The following DGKD variants were observed in gnomAD, a reference collection of about 807,000 sequenced individuals.
The protein encoded by DGKD is DAG kinase delta.
A neutral mutation model predicts 154.4 loss-of-function variants in DGKD; 68 were observed. That is an observed-to-expected ratio of 0.44 (90% CI 0.36 to 0.54). DGKD has a LOEUF of 0.54. Among genes scored for constraint, DGKD ranks in the 20% least tolerant of loss-of-function variants. DGKD has a pLI of 0.00. For synonymous variants in DGKD, 693 were observed against 638.0 expected (o/e 1.09, Z -1.30); for missense variants, 1,343 against 1,593.6 (o/e 0.84, Z 2.68).
At chr2:233,356,243 A>G (rs944223700) in intron 1 of DGKD, among the ~76,000 whole-genome samples, 1 of 152,224 alleles carries the variant, frequency 6.6e-6, no homozygotes, top group Admixed American at 6.5e-5. Context: ...AATGATCAGA[A>G]GTTGGGCCAG....
chr2:233,437,112 G>C (rs146429921), intron 7 of DGKD, among the ~76,000 whole-genome samples: 1 of 152,330 alleles, frequency 6.6e-6, no homozygotes, highest in African/African-American at 2.4e-5. Flanking sequence ...CCAGAAGGTT[G>C]GGTACAGGAC....
rs2063900453 is a variant in DGKD, at chr2:233,468,573, C to T, written c.3555+20C>T. On this transcript the variant is annotated intron_variant, in intron 29 of 29. Coordinates refer to ENST00000264057, the MANE Select transcript of DGKD (RefSeq NM_152879.3). Reference sequence around the variant, plus strand: ...CTCAAGGTACTTCCATAGGCGTCTCCCTGGAACCTGCACTTGGGCTTGCAC... The same window carrying T: ...CTCAAGGTACTTCCATAGGCGTCTCTCTGGAACCTGCACTTGGGCTTGCAC... 1 of 1,612,850 alleles carries T rather than the reference C, an allele frequency of 6.2e-7. No individual in the cohort carries two copies. Among genetic ancestry groups the T allele is most frequent in the African/African-American group, 1.3e-5 (1 of 74,876 alleles).
intron 29 of DGKD, among the ~76,000 whole-genome samples, 183 bp from the exon 30 acceptor site, chr2:233,469,188 G>A (rs2063922892): frequency 6.6e-6 from 1 of 152,250 alleles, no homozygotes; most frequent in African/African-American, 2.4e-5. Flanking sequence ...AGGAACAATG[G>A]GCCAGGCATC....
intron 1 of DGKD, among the ~76,000 whole-genome samples, chr2:233,369,585 G>T (rs1313876475): frequency 6.6e-6 from 1 of 152,132 alleles, no homozygotes; most frequent in Admixed American, 6.5e-5. Context: ...TTTTCCATCA[G>T]CCTCTCCCCT....
chr2:233,436,547 C>G (rs1422003625), intron 7 of DGKD, 106 bp downstream of exon 7: 4 of 1,440,512 alleles, frequency 2.8e-6, no homozygotes, highest in Non-Finnish European at 3.7e-6. Flanking sequence ...GTAAATTAAT[C>G]CCAGAGGCCC....
chr2:233,378,867 C>T (rs1702732844), intron 1 of DGKD, among the ~76,000 whole-genome samples: 1 of 152,206 alleles, frequency 6.6e-6, no homozygotes, highest in African/African-American at 2.4e-5. Flanking sequence ...GAGACCCCGC[C>T]TCTACAAAGC....
intron 1 of DGKD, chr2:233,385,998 T>C (rs776611064): frequency 1.1e-4 from 49 of 446,458 alleles, no homozygotes; most frequent in South Asian, 8.0e-4. Context: ...CGTGTGCGTG[T>C]GTGTGCGTGT....
chr2:233,406,221 C>T (rs1368898212), intron 3 of DGKD, among the ~76,000 whole-genome samples: 1 of 152,204 alleles, frequency 6.6e-6, no homozygotes, highest in Non-Finnish European at 1.5e-5. Context: ...AGGGCCCACT[C>T]AGATAATCCA....
At chr2:233,460,533 G>A (rs1013208562) in intron 24 of DGKD, among the ~76,000 whole-genome samples, 188 bp downstream of exon 24, 2 of 152,152 alleles carry the variant, frequency 1.3e-5, no homozygotes, top group Admixed American at 6.5e-5. Context: ...TTCAGAACTC[G>A]CCTGGAGTTT....
At chr2:233,418,530 TA>T (rs936458409) in intron 3 of DGKD, among the ~76,000 whole-genome samples, 1 of 152,228 alleles carries the variant, frequency 6.6e-6, no homozygotes, top group African/African-American at 2.4e-5. Flanking sequence ...TATGGGTTTC[TA>T]AAAAAATAAA....
chr2:233,362,485 T>C (rs1410567460), intron 1 of DGKD, among the ~76,000 whole-genome samples: 1 of 152,140 alleles, frequency 6.6e-6, no homozygotes, highest in Non-Finnish European at 1.5e-5. Flanking sequence ...ACCCTGTGTC[T>C]ACTAAAAGTA....
chr2:233,375,427 C>G (rs1204495965), intron 1 of DGKD, among the ~76,000 whole-genome samples: 1 of 152,134 alleles, frequency 6.6e-6, no homozygotes, highest in Non-Finnish European at 1.5e-5. Flanking sequence ...GCAAACAAGT[C>G]TGCCATGAGT....
intron 3 of DGKD, among the ~76,000 whole-genome samples, chr2:233,428,808 A>G (rs1394909222): frequency 6.6e-6 from 1 of 152,192 alleles, no homozygotes; most frequent in African/African-American, 2.4e-5. Flanking sequence ...GTGGCCAGGT[A>G]GGATTCAGAT....
At chr2:233,429,084 C>T (rs1460732730) in intron 3 of DGKD, 2 of 981,700 alleles carry the variant, frequency 2.0e-6, no homozygotes, top group Admixed American at 1.2e-4. Context: ...ACCCACAAAG[C>T]AATTCTAGTA....
chr2:233,369,232 AT>A (rs1702190852), intron 1 of DGKD, among the ~76,000 whole-genome samples: 1 of 152,132 alleles, frequency 6.6e-6, no homozygotes, highest in Non-Finnish European at 1.5e-5. Flanking sequence ...TGTCCACTGT[AT>A]CCATCAGCAT....
intron 1 of DGKD, among the ~76,000 whole-genome samples, chr2:233,370,444 T>C (rs1393047465): frequency 6.6e-6 from 1 of 151,978 alleles, no homozygotes; most frequent in Non-Finnish European, 1.5e-5. Flanking sequence ...TCCCAATTCC[T>C]GACCTCAAGT....
chr2:233,366,647 A>G (rs1160435644), intron 1 of DGKD, among the ~76,000 whole-genome samples: 2 of 152,128 alleles, frequency 1.3e-5, no homozygotes, highest in East Asian at 3.8e-4. Context: ...GTGTGCCATG[A>G]AGCCATGTAG....
rs764125308 is a variant in DGKD at position 233,445,616 on chromosome 2, T to G, written c.1195-7T>G. The G allele has an allele frequency of 6.2e-6, 10 of 1,602,282 alleles. No homozygotes were observed. The highest frequency in any genetic ancestry group is 7.7e-6 in the Non-Finnish European group (9 of 1,174,152). On this transcript the variant is annotated splice_polypyrimidine_tract_variant and splice_region_variant and intron_variant, in intron 10 of 29. Coordinates refer to ENST00000264057, the MANE Select transcript of DGKD (RefSeq NM_152879.3). The surrounding 1 kb of genome is among the most constrained non-coding windows in gnomAD (Gnocchi z 5.5). The stretch of plus-strand genomic sequence containing the variant: ...TTGCCTGCGCATCGTCCCCCATGTT[T>G]CCTTAGTGTCAGCTGGGAGTGCTGC...
intron 1 of DGKD, among the ~76,000 whole-genome samples, chr2:233,365,981 T>C (rs1456079385): frequency 1.3e-5 from 2 of 151,950 alleles, no homozygotes; most frequent in Admixed American, 1.3e-4. Context: ...GGAAATAGAG[T>C]ATTTTTTTAA....
Sources: allele counts gnomAD v4.1 joint callset (sites outside exome capture counted in the v4.1 genomes callset), GRCh38; gene constraint gnomAD v4.1.1; non-coding constraint Gnocchi (gnomAD v3.1); transcripts MANE v1.5; gene names NCBI Gene and HGNC (gene_info 2026-07-23, HGNC 2026-07-21).